TMEM135: variants seen among roughly 807,000 people sequenced by gnomAD.
The protein encoded by TMEM135 is peroxisomal membrane protein 52.
In TMEM135, 30 loss-of-function variants were observed where a neutral mutation model predicts 60.3. The observed-to-expected ratio is 0.50, with a 90% CI of 0.37 to 0.68. TMEM135 has a LOEUF of 0.68. Among genes scored for constraint, TMEM135 ranks in the 30% least tolerant of loss-of-function variants. The pLI is 0.00. For synonymous variants in TMEM135, 190 were observed against 186.7 expected (o/e 1.02, Z -0.14); for missense variants, 468 against 548.8 (o/e 0.85, Z 1.47).
intron 5 of TMEM135, among the ~76,000 whole-genome samples, chr11:87,215,496 C>T (rs900023865): frequency 3.3e-5 from 5 of 152,276 alleles, no homozygotes; most frequent in African/African-American, 9.6e-5. Context: ...AGTTGGTCAT[C>T]GGCTTCTCTG....
chr11:87,190,769 C>G (rs1939780464), intron 5 of TMEM135, among the ~76,000 whole-genome samples: 1 of 152,106 alleles, frequency 6.6e-6, no homozygotes, highest in Non-Finnish European at 1.5e-5. Flanking sequence ...GTTGTGTAAC[C>G]AATGAGTTTA....
intron 2 of TMEM135, among the ~76,000 whole-genome samples, chr11:87,070,823 AG>A (rs1350052483): frequency 6.6e-6 from 1 of 152,198 alleles, no homozygotes; most frequent in East Asian, 1.9e-4. Context: ...TGTAAGAAAA[AG>A]TTATCAAGGG....
In TMEM135 at chr11:87,302,454, A is replaced by G; in HGVS notation, c.698+12A>G. On this transcript the variant is annotated intron_variant, in intron 8 of 14. Transcript: ENST00000305494. The stretch of plus-strand genomic sequence containing the variant: ...TTTGTGGATTCAATGTGAGCTCTTT[A>G]TCTTGATATTTTAACCTGCTTTGTC... The G allele has an allele frequency of 6.2e-7, 1 of 1,613,724 alleles. No individual in the cohort carries two copies. Among genetic ancestry groups the G allele is most frequent in the Non-Finnish European group, 8.5e-7 (1 of 1,179,804 alleles).
At chr11:87,316,287 A>T (rs372826817) in intron 12 of TMEM135, among the ~76,000 whole-genome samples, 4,315 of 146,756 alleles carry the variant, frequency 0.029, 93 homozygotes, top group African/African-American at 0.067. Flanking sequence ...TGTGTGTGTG[A>T]GAGAGAGAGA....
At chr11:87,188,772 ATGTATAAAGTAAAAAACGAGTATCCC>A (rs1340403442) in intron 5 of TMEM135, among the ~76,000 whole-genome samples, 1 of 152,092 alleles carries the variant, frequency 6.6e-6, no homozygotes, top group Non-Finnish European at 1.5e-5. Flanking sequence ...ATATGTAAAA[ATGTATAAAGTAAAAAACGAGTATCCC>A]TGTTTTTTCA....
At chr11:87,201,858 C>T (rs868202849) in intron 5 of TMEM135, among the ~76,000 whole-genome samples, 1 of 152,038 alleles carries the variant, frequency 6.6e-6, no homozygotes, top group African/African-American at 2.4e-5. Context: ...AGATGTATTT[C>T]ATAGATATCA....
intron 1 of TMEM135, among the ~76,000 whole-genome samples, chr11:87,062,113 C>T (rs977131406): frequency 1.3e-5 from 2 of 152,058 alleles, no homozygotes; most frequent in African/African-American, 4.8e-5. Flanking sequence ...TCAAGCAATT[C>T]TCCTGCCTCA....
At chr11:87,143,553 G>T (rs610228) in intron 4 of TMEM135, among the ~76,000 whole-genome samples, 55,856 of 151,908 alleles carry the variant, frequency 0.37, 10,801 homozygotes, top group East Asian at 0.67. Context: ...CCTGAGCTGT[G>T]TGCAGTTGCA....
intron 12 of TMEM135, among the ~76,000 whole-genome samples, chr11:87,315,345 C>G (rs1179832912): frequency 6.6e-6 from 1 of 151,854 alleles, no homozygotes; most frequent in Non-Finnish European, 1.5e-5. Context: ...GAGACCTAAG[C>G]AAATTCAGGT....
At chr11:87,086,734 G>T (rs954723470) in intron 3 of TMEM135, among the ~76,000 whole-genome samples, 4 of 152,182 alleles carry the variant, frequency 2.6e-5, no homozygotes, top group African/African-American at 9.7e-5. Context: ...ATAGGTGGAG[G>T]GTGGGGATTA....
At chr11:87,270,667 C>G (rs1418135062) in intron 6 of TMEM135, among the ~76,000 whole-genome samples, 1 of 152,066 alleles carries the variant, frequency 6.6e-6, no homozygotes, top group Admixed American at 6.6e-5. Context: ...CTAAGTAAGA[C>G]TTTTTGTAGC....
intron 5 of TMEM135, among the ~76,000 whole-genome samples, chr11:87,166,036 C>A (rs552481846): frequency 1.6e-4 from 24 of 151,198 alleles, no homozygotes; most frequent in Non-Finnish European, 5.9e-5. Flanking sequence ...CAAGACTAAA[C>A]CAGGAAGAAG....
chr11:87,314,289 A>T (rs1255581250), intron 11 of TMEM135, among the ~76,000 whole-genome samples, 182 bp from the exon 12 acceptor site: 1 of 151,884 alleles, frequency 6.6e-6, no homozygotes, highest in Non-Finnish European at 1.5e-5. Flanking sequence ...TCAATTTTTT[A>T]AATTTAAAAA....
chr11:87,280,160 G>C (rs996314303), intron 6 of TMEM135, among the ~76,000 whole-genome samples: 3 of 152,208 alleles, frequency 2.0e-5, no homozygotes, highest in African/African-American at 7.2e-5. Context: ...TATATGTTTA[G>C]ATGGCATTAA....
intron 5 of TMEM135, among the ~76,000 whole-genome samples, chr11:87,202,766 C>T (rs2135332919): frequency 6.7e-6 from 1 of 148,536 alleles, no homozygotes; most frequent in Middle Eastern, 3.7e-3. Flanking sequence ...GGCACGGTGG[C>T]TCAAGCCTCT....
At chr11:87,075,582 A>T (rs1856855041) in intron 3 of TMEM135, among the ~76,000 whole-genome samples, 2 of 152,160 alleles carry the variant, frequency 1.3e-5, no homozygotes, top group South Asian at 4.1e-4. Flanking sequence ...GAACCACTGC[A>T]CTTGGCCTAT....
At chr11:87,303,260 C>T (rs975988097) in intron 8 of TMEM135, among the ~76,000 whole-genome samples, 4 of 152,156 alleles carry the variant, frequency 2.6e-5, no homozygotes, top group African/African-American at 7.2e-5. Context: ...GTGAACTGCG[C>T]GTACAAGGGA....
chr11:87,090,512 T>A (rs1200481952), intron 3 of TMEM135, among the ~76,000 whole-genome samples: 1 of 152,138 alleles, frequency 6.6e-6, no homozygotes, highest in Non-Finnish European at 1.5e-5. Flanking sequence ...ACATTGGTAC[T>A]TTTTATATAT....
In TMEM135 at chr11:87,328,468, G is replaced by A. The variant is rs960052533; in HGVS notation, c.*7135G>A. ...TTAGTGCACCTGTCACCAGAATAGTGTGCATTGTACCCAATATATAGCTTT... is the reference window on the plus strand; with the variant it reads ...TTAGTGCACCTGTCACCAGAATAGTATGCATTGTACCCAATATATAGCTTT... On this transcript the variant is annotated 3_prime_UTR_variant, in exon 15 of 15. Coordinates refer to ENST00000305494, the MANE Select transcript of TMEM135 (RefSeq NM_022918.4). 2 of 453,976 alleles carry A rather than the reference G, an allele frequency of 4.4e-6. No individual in the cohort carries two copies. The highest frequency in any genetic ancestry group is 2.0e-5 in the African/African-American group (1 of 50,008). The allele number at this position is 453,976 out of a possible 1,614,324, so 28.1% of individuals were successfully genotyped here. A position where few individuals can be genotyped will look rare whatever the true frequency, so the allele number is the denominator to read the frequency against.
Sources: allele counts gnomAD v4.1 joint callset (sites outside exome capture counted in the v4.1 genomes callset), GRCh38; gene constraint gnomAD v4.1.1; transcripts MANE v1.5; gene names NCBI Gene and HGNC (gene_info 2026-07-23, HGNC 2026-07-21).